Variants in USO1 observed in about 807,000 individuals in gnomAD.
USO1 encodes the protein general vesicular transport factor p115.
In USO1, 57 loss-of-function variants were observed where a neutral mutation model predicts 124.5. The ratio of observed to expected loss-of-function variants is 0.46; its 90% confidence interval spans 0.37 to 0.57. The LOEUF (loss-of-function observed/expected upper bound fraction) is 0.57. Among genes scored for constraint, USO1 ranks in the 20% least tolerant of loss-of-function variants. USO1 has a pLI of 0.00. For synonymous variants in USO1, 369 were observed against 362.8 expected (o/e 1.02, Z -0.19); for missense variants, 900 against 1,040.6 (o/e 0.86, Z 1.86).
At chr4:75,748,988 A>C (rs1405763329) in intron 1 of USO1, among the ~76,000 whole-genome samples, 2 of 151,876 alleles carry the variant, frequency 1.3e-5, no homozygotes, top group Admixed American at 6.6e-5. Flanking sequence ...ATATGTATAT[A>C]TTAGGAAAAG....
intron 19 of USO1, among the ~76,000 whole-genome samples, chr4:75,806,153 G>A (rs770381076): frequency 5.3e-5 from 8 of 151,950 alleles, no homozygotes; most frequent in Admixed American, 6.6e-5. Flanking sequence ...TGCCACGTCC[G>A]GCTAATTTTT....
At chr4:75,766,120 CAGTT>C (rs1353173443) in intron 4 of USO1, among the ~76,000 whole-genome samples, 1 of 152,046 alleles carries the variant, frequency 6.6e-6, no homozygotes, top group Non-Finnish European at 1.5e-5. Flanking sequence ...TATTTAGAGT[CAGTT>C]ACTTTTTTTG....
chr4:75,811,649 G>A (rs564748767), intron 22 of USO1, among the ~76,000 whole-genome samples: 4 of 152,270 alleles, frequency 2.6e-5, no homozygotes, highest in Non-Finnish European at 5.9e-5. Context: ...GTCACATTAA[G>A]GAAAATAAGG....
chr4:75,811,697 A>C (rs1723155939), intron 22 of USO1, among the ~76,000 whole-genome samples: 1 of 152,208 alleles, frequency 6.6e-6, no homozygotes, highest in South Asian at 2.1e-4. Flanking sequence ...ATTGTGGCCA[A>C]ATTATTTTAT....
At chr4:75,730,993 A>C (rs1577920999) in intron 1 of USO1, among the ~76,000 whole-genome samples, 1 of 152,176 alleles carries the variant, frequency 6.6e-6, no homozygotes, top group South Asian at 2.1e-4. Flanking sequence ...GACATGTTTC[A>C]TTATGACCCC....
intron 4 of USO1, among the ~76,000 whole-genome samples, chr4:75,767,133 C>A (rs1220651431): frequency 6.6e-6 from 1 of 152,152 alleles, no homozygotes; most frequent in Non-Finnish European, 1.5e-5. Context: ...CCCATCTCCC[C>A]AACCTCTTAA....
intron 3 of USO1, chr4:75,755,610 C>G (rs1214483268): frequency 2.3e-6 from 1 of 435,486 alleles, no homozygotes; most frequent in African/African-American, 2.1e-5. Context: ...TCTCCCCAGA[C>G]AGTGTAACTC....
intron 1 of USO1, among the ~76,000 whole-genome samples, chr4:75,733,935 A>ATTTT (rs869308522): frequency 2.6e-5 from 2 of 77,088 alleles, no homozygotes; most frequent in Admixed American, 1.7e-4. Context: ...TTCTTCGAGG[A>ATTTT]TTTTTTTTTT....
chr4:75,760,419 C>A (rs1321222508), intron 4 of USO1, among the ~76,000 whole-genome samples: 14 of 152,136 alleles, frequency 9.2e-5, no homozygotes, highest in Admixed American at 6.5e-5. Context: ...TATGCTAAAT[C>A]TCTTTTAGTA....
intron 9 of USO1, among the ~76,000 whole-genome samples, chr4:75,784,593 G>A (rs948528762): frequency 1.3e-5 from 2 of 152,086 alleles, no homozygotes; most frequent in Non-Finnish European, 2.9e-5. Context: ...GGCAGGTGGG[G>A]ATCACTTGAG....
At chr4:75,800,844 A>G in intron 16 of USO1, 45 bp downstream of exon 16, 2 of 1,568,982 alleles carry the variant, frequency 1.3e-6, no homozygotes, top group Non-Finnish European at 1.7e-6. Context: ...AAGTAATTAT[A>G]TTTATATTGT....
At chr4:75,756,650 G>A (rs1024057018) in intron 3 of USO1, among the ~76,000 whole-genome samples, 3 of 151,592 alleles carry the variant, frequency 2.0e-5, no homozygotes, top group African/African-American at 7.3e-5. Flanking sequence ...GGGGTTACAG[G>A]CATGCACCAC....
rs1180218221 is a variant in USO1 at position 75,752,380 on chromosome 4, A to T, written c.74A>T (p.Lys25Met). 7.5e-6 allele frequency: 3 copies of T among 398,186 alleles called. No homozygotes were observed. Among genetic ancestry groups the T allele is most frequent in the Non-Finnish European group, 1.3e-5 (3 of 225,972 alleles). The allele number at this position is 398,186 out of a possible 1,614,324, so 24.7% of individuals were successfully genotyped here. A position where few individuals can be genotyped will look rare whatever the true frequency, so the allele number is the denominator to read the frequency against. ...TTTATTTTTTCATGACAGATTCAAA[A>T]GCTTTGTGACAGAGTAGCTTCATCT... ...PQHTEAETIQ[K>M]LCDRVASSTL... The change falls in exon 2 of 24, where the codon AAG becomes ATG. Residue 25 changes from lysine (K) to methionine (M), a missense_variant. Transcript: ENST00000514213.
chr4:75,740,826 G>A (rs146939396), intron 1 of USO1, among the ~76,000 whole-genome samples: 160 of 152,238 alleles, frequency 1.1e-3, no homozygotes, highest in African/African-American at 3.7e-3. Context: ...TCAGTATGTA[G>A]TCTAAAATTG....
intron 1 of USO1, among the ~76,000 whole-genome samples, chr4:75,732,301 C>T (rs1460555893): frequency 2.0e-5 from 3 of 152,166 alleles, no homozygotes; most frequent in Non-Finnish European, 4.4e-5. Flanking sequence ...AGGATAATGG[C>T]TACCAGCTGC....
chr4:75,741,552 A>T (rs1387993526), intron 1 of USO1, among the ~76,000 whole-genome samples: 2 of 141,538 alleles, frequency 1.4e-5, no homozygotes, highest in African/African-American at 5.2e-5. Flanking sequence ...TTTCTTCTAT[A>T]TCCTTCTTCT....
intron 1 of USO1, among the ~76,000 whole-genome samples, chr4:75,729,715 A>G (rs1428613022): frequency 6.6e-6 from 1 of 152,188 alleles, no homozygotes; most frequent in South Asian, 2.1e-4. Context: ...ATGATGAATC[A>G]TAGAGGCATT....
chr4:75,742,436 A>G (rs1311271754), intron 1 of USO1, among the ~76,000 whole-genome samples: 1 of 152,166 alleles, frequency 6.6e-6, no homozygotes, highest in Non-Finnish European at 1.5e-5. Context: ...GTATTTTAAA[A>G]TTTTTAACAG....
chr4:75,755,091 T>C (rs1406827815), intron 3 of USO1, among the ~76,000 whole-genome samples: 1 of 152,202 alleles, frequency 6.6e-6, no homozygotes, highest in Non-Finnish European at 1.5e-5. Flanking sequence ...GGTAAGGCTG[T>C]TTGATATGGC....
Sources: gnomAD v4.1 joint callset for allele counts (sites outside exome capture counted in the v4.1 genomes callset) on GRCh38, gnomAD v4.1.1 for gene constraint, MANE v1.5 for transcripts, NCBI Gene and HGNC (gene_info 2026-07-23, HGNC 2026-07-21) for gene names.